Variants in TBCK observed in about 807,000 individuals in gnomAD.
TBCK encodes the protein TBC1 domain containing kinase, also known as TBC domain-containing protein kinase-like protein.
TBCK carries 99 observed loss-of-function variants against 113.4 expected under a neutral mutation model. That is an observed-to-expected ratio of 0.87 (90% confidence interval 0.74 to 1.03). TBCK has a LOEUF of 1.03. TBCK is among the 50% of genes least tolerant of loss of function. The pLI is 0.00. For missense variants in TBCK, 1,045 were observed against 1,061.3 expected (o/e 0.98, Z 0.21); for synonymous variants, 369 against 370.8 (o/e 1.00, Z 0.05).
chr4:106,308,678 G>T, intron 2 of TBCK, 90 bp downstream of exon 2: 1 of 1,231,250 alleles, frequency 8.1e-7, no homozygotes, highest in Non-Finnish European at 1.1e-6. Flanking sequence ...TGGTACTGAT[G>T]ATAGCTTTAT....
At chr4:106,250,894 T>C (rs1281209374) in intron 6 of TBCK, among the ~76,000 whole-genome samples, 1 of 152,012 alleles carries the variant, frequency 6.6e-6, no homozygotes, top group Non-Finnish European at 1.5e-5. Flanking sequence ...TCGGTTAGTC[T>C]GTTTCTCCAT....
chr4:106,160,100 C>T (rs1040891981), intron 23 of TBCK, among the ~76,000 whole-genome samples: 4 of 151,914 alleles, frequency 2.6e-5, no homozygotes, highest in Admixed American at 6.6e-5. Flanking sequence ...TGAACTCTCA[C>T]CTAATAACAT....
chr4:106,120,151 G>C (rs1744095622), intron 23 of TBCK, among the ~76,000 whole-genome samples: 3 of 152,204 alleles, frequency 2.0e-5, no homozygotes, highest in Admixed American at 1.3e-4. Flanking sequence ...TTGCCTCACT[G>C]GGGAAGCGCA....
rs185443972 is a variant in TBCK, at chr4:106,183,745, G to A, written c.2059+9864C>T. ...TTCTTATTGCTAAACATTATTGGAT[G>A]TTTTCCAAAAGTAATTACAATCTTG... On this transcript the variant is annotated intron_variant, in intron 22 of 25. Transcript: ENST00000394708. Among the ~76,000 whole-genome samples the A allele has an allele frequency of 4.6e-5, 7 of 152,140 alleles. No homozygotes were observed. The South Asian group carries it at 1.0e-3, about 23-fold the overall frequency.
At chr4:106,221,363 T>C (rs1325830344) in intron 19 of TBCK, among the ~76,000 whole-genome samples, 1 of 152,074 alleles carries the variant, frequency 6.6e-6, no homozygotes. Flanking sequence ...AATATATAAA[T>C]TTATTTTATG....
chr4:106,215,271 G>A (rs890218784), intron 19 of TBCK, among the ~76,000 whole-genome samples: 1 of 152,074 alleles, frequency 6.6e-6, no homozygotes, highest in Admixed American at 6.5e-5. Flanking sequence ...ATGCCAAAAT[G>A]TAATGACCAT....
At chr4:106,152,805 T>G (rs1482630393) in intron 23 of TBCK, among the ~76,000 whole-genome samples, 3 of 152,086 alleles carry the variant, frequency 2.0e-5, no homozygotes, top group Non-Finnish European at 4.4e-5. Flanking sequence ...GGTTCAATCT[T>G]GGTAGGTTGT....
intron 22 of TBCK, among the ~76,000 whole-genome samples, chr4:106,189,441 A>G (rs1169995399): frequency 2.0e-5 from 3 of 152,124 alleles, no homozygotes; most frequent in Admixed American, 6.6e-5. Context: ...AGCTTCAGGT[A>G]AAGTGGCATC....
At chr4:106,290,453 G>C (rs951882874) in intron 3 of TBCK, among the ~76,000 whole-genome samples, 3 of 152,116 alleles carry the variant, frequency 2.0e-5, no homozygotes, top group Non-Finnish European at 1.5e-5. Context: ...TGGGATTACA[G>C]GCATGAGCCA....
chr4:106,147,135 C>T (rs1273592666), intron 23 of TBCK, among the ~76,000 whole-genome samples: 2 of 152,180 alleles, frequency 1.3e-5, no homozygotes, highest in Non-Finnish European at 1.5e-5. Context: ...ATCACTACCT[C>T]AGTGAAGTCT....
chr4:106,308,388 G>A (rs1195658964), intron 2 of TBCK, among the ~76,000 whole-genome samples: 1 of 152,170 alleles, frequency 6.6e-6, no homozygotes, highest in Non-Finnish European at 1.5e-5. Flanking sequence ...CATAATCCAT[G>A]AGAGAAAATT....
chr4:106,287,621 C>A (rs1765245589), intron 3 of TBCK, among the ~76,000 whole-genome samples: 1 of 152,216 alleles, frequency 6.6e-6, no homozygotes, highest in African/African-American at 2.4e-5. Flanking sequence ...ACCTTGTTTT[C>A]TTTCCTTAGA....
chr4:106,265,549 CAA>C lies in TBCK; in HGVS notation c.267-3339_267-3338del, dbSNP rs547440876. 6.0e-5 allele frequency among the ~76,000 whole-genome samples: 9 copies of C among 150,972 alleles called. No homozygotes were observed. The South Asian group carries it at 1.9e-3, about 32-fold the overall frequency. On this transcript the variant is annotated intron_variant, in intron 3 of 25. Coordinates refer to ENST00000394708, the MANE Select transcript of TBCK (RefSeq NM_001163435.3). ...GAGATCCAAAGAGAGAGAGAGAGAG[CAA>C]GAGGGAAAGAGACAGAGAGAGAGTG...
intron 1 of TBCK, among the ~76,000 whole-genome samples, chr4:106,314,329 T>C (rs1469358442): frequency 1.3e-5 from 2 of 152,160 alleles, no homozygotes; most frequent in African/African-American, 4.8e-5. Flanking sequence ...AATTATAAAG[T>C]AACCAATACA....
chr4:106,249,321 G>C (rs987433392), intron 7 of TBCK, among the ~76,000 whole-genome samples: 3 of 152,090 alleles, frequency 2.0e-5, no homozygotes, highest in African/African-American at 7.2e-5. Context: ...AACAACATGG[G>C]TTTAAACTAC....
intron 23 of TBCK, among the ~76,000 whole-genome samples, chr4:106,154,953 G>A (rs1748952978): frequency 6.8e-6 from 1 of 146,010 alleles, no homozygotes; most frequent in African/African-American, 2.5e-5. Context: ...TTACTAGTGA[G>A]TTTTTTTTTT....
chr4:106,125,286 A>T (rs1316137160), intron 23 of TBCK, among the ~76,000 whole-genome samples: 1 of 152,228 alleles, frequency 6.6e-6, no homozygotes, highest in Non-Finnish European at 1.5e-5. Flanking sequence ...TGTTCATTAC[A>T]GCGCTATTCA....
chr4:106,150,544 C>T (rs143396255), intron 23 of TBCK, among the ~76,000 whole-genome samples: 10 of 152,120 alleles, frequency 6.6e-5, no homozygotes, highest in African/African-American at 2.4e-4. Context: ...TTTTCAGATA[C>T]ATTGCTTTAC....
intron 23 of TBCK, among the ~76,000 whole-genome samples, chr4:106,144,254 AT>A (rs1305155958): frequency 6.6e-6 from 1 of 152,236 alleles, no homozygotes; most frequent in African/African-American, 2.4e-5. Flanking sequence ...ATATAAAATG[AT>A]AAAAATCTTG....
Sources: gnomAD v4.1 joint callset for allele counts (sites outside exome capture counted in the v4.1 genomes callset) on GRCh38, gnomAD v4.1.1 for gene constraint, MANE v1.5 for transcripts, NCBI Gene and HGNC (gene_info 2026-07-23, HGNC 2026-07-21) for gene names.